The following GALNT2 variants were observed in gnomAD, a reference collection of about 807,000 sequenced individuals.
The protein encoded by GALNT2 is UDP-GalNAc:polypeptide N-acetylgalactosaminyltransferase 2.
A neutral mutation model predicts 81.4 loss-of-function variants in GALNT2; 31 were observed. The observed-to-expected ratio is 0.38, with a 90% CI of 0.29 to 0.51. The LOEUF (loss-of-function observed/expected upper bound fraction) is 0.51, where lower values mean the gene tolerates loss of function less well. Ranked by LOEUF, GALNT2 falls within the 20% of genes least tolerant of loss-of-function variation. GALNT2 has a pLI of 0.87. For synonymous variants in GALNT2, 303 were observed against 287.4 expected, an observed-to-expected ratio of 1.05 and a Z score of -0.55; for missense variants, 629 against 765.7, an observed-to-expected ratio of 0.82 and a Z score of 2.11.
At chr1:230,185,529 C>T (rs910903484) in intron 2 of GALNT2, among the ~76,000 whole-genome samples, 2 of 152,084 alleles carry the variant, frequency 1.3e-5, no homozygotes, top group African/African-American at 4.8e-5. Flanking sequence ...TCAGCTTCCC[C>T]CTCTCCACAT....
intron 1 of GALNT2, among the ~76,000 whole-genome samples, chr1:230,124,974 A>G (rs1011000972): frequency 6.6e-6 from 1 of 152,192 alleles, no homozygotes; most frequent in Non-Finnish European, 1.5e-5. Flanking sequence ...GCTGTTTTCA[A>G]GAGTGTTGTT....
intron 1 of GALNT2, among the ~76,000 whole-genome samples, chr1:230,102,291 G>A (rs1003035571): frequency 3.3e-5 from 5 of 152,162 alleles, no homozygotes; most frequent in East Asian, 3.9e-4. Flanking sequence ...CATGCTGAGC[G>A]CTCAGTAACC....
chr1:230,270,409 A>T (rs1347820276), intron 14 of GALNT2, among the ~76,000 whole-genome samples: 1 of 152,234 alleles, frequency 6.6e-6, no homozygotes, highest in East Asian at 1.9e-4. Flanking sequence ...ACCATGTGCT[A>T]TGATGGGGAT....
intron 1 of GALNT2, among the ~76,000 whole-genome samples, chr1:230,059,481 T>C (rs1658993189): frequency 6.6e-6 from 1 of 152,152 alleles, no homozygotes; most frequent in South Asian, 2.1e-4. Flanking sequence ...TGTGGAGATG[T>C]GTTAGGAAAG....
intron 2 of GALNT2, among the ~76,000 whole-genome samples, chr1:230,179,711 T>C (rs988042829): frequency 2.0e-5 from 3 of 152,200 alleles, no homozygotes; most frequent in Non-Finnish European, 4.4e-5. Context: ...TTATCAGATA[T>C]GGGTTTTGTA....
rs1159018920 is a variant in GALNT2 at position 230,276,009 on chromosome 1, CGT to C, written c.1560+1446_1560+1447del. On this transcript the variant is annotated intron_variant, in intron 15 of 15. Transcript: ENST00000366672. ...TATATATACATGCCACATATATATACGTATATATACATGCCACATATATATAC... is the reference window on the plus strand; with the variant it reads ...TATATATACATGCCACATATATATACATATATACATGCCACATATATATAC... Among the ~76,000 whole-genome samples, 417 of 64,850 alleles carry C rather than the reference CGT, an allele frequency of 6.4e-3. 15 individuals are homozygous for C. Among genetic ancestry groups the C allele is most frequent in the African/African-American group, 0.019 (157 of 8,264 alleles). 42.5% of individuals were successfully genotyped at this position (64,850 alleles called of 152,430 possible).
At chr1:230,071,006 T>A (rs1659353756) in intron 1 of GALNT2, among the ~76,000 whole-genome samples, 1 of 152,138 alleles carries the variant, frequency 6.6e-6, no homozygotes. Flanking sequence ...ATCTTTGCAG[T>A]GGGAGTAATC....
chr1:230,109,164 C>T (rs1239695090), intron 1 of GALNT2, among the ~76,000 whole-genome samples: 4 of 152,258 alleles, frequency 2.6e-5, no homozygotes, highest in Admixed American at 2.0e-4. Context: ...AGGCTCTGCC[C>T]TCTGATGGGG....
chr1:230,111,068 AC>A (rs1406607274), intron 1 of GALNT2, among the ~76,000 whole-genome samples: 1 of 152,212 alleles, frequency 6.6e-6, no homozygotes, highest in African/African-American at 2.4e-5. Flanking sequence ...GTGTGTACAT[AC>A]ATATGTACAC....
intron 1 of GALNT2, among the ~76,000 whole-genome samples, chr1:230,162,638 C>G (rs921320102): frequency 2.6e-5 from 4 of 152,164 alleles, no homozygotes; most frequent in Non-Finnish European, 5.9e-5. Context: ...AAATGCAGCT[C>G]TAACTTTCCC....
At chr1:230,057,964 G>A (rs1348950309), upstream of GALNT2, 3 of 452,418 alleles carry the variant, frequency 6.6e-6, no homozygotes, top group Admixed American at 2.4e-5. Context: ...TCCCCAGGAC[G>A]AAGGGAGGAA....
chr1:230,217,420 A>G (rs1250159132), intron 3 of GALNT2, among the ~76,000 whole-genome samples: 1 of 152,230 alleles, frequency 6.6e-6, no homozygotes, highest in Non-Finnish European at 1.5e-5. Flanking sequence ...AAAGGACAGC[A>G]GGAAGCCAGA....
At chr1:230,110,318 G>T (rs1413519192) in intron 1 of GALNT2, among the ~76,000 whole-genome samples, 1 of 152,170 alleles carries the variant, frequency 6.6e-6, no homozygotes, top group African/African-American at 2.4e-5. Context: ...CTCTGTGCTT[G>T]CTCTGAGGTT....
intron 3 of GALNT2, among the ~76,000 whole-genome samples, chr1:230,209,599 T>C (rs571862348): frequency 6.6e-6 from 1 of 152,302 alleles, no homozygotes; most frequent in African/African-American, 2.4e-5. Context: ...CCCAGCACTT[T>C]GGGAGGCCAA....
At chr1:230,148,243 G>T (rs1454388593) in intron 1 of GALNT2, among the ~76,000 whole-genome samples, 5 of 152,228 alleles carry the variant, frequency 3.3e-5, no homozygotes, top group Admixed American at 6.5e-5. Flanking sequence ...AGCTCGGGGC[G>T]TGCACAGTGC....
Position 230,275,557 on chromosome 1 carries a change from CATAT to C in GALNT2, c.1560+999_1560+1002del, listed in dbSNP as rs1311968014. Reference sequence around the variant, plus strand: ...CATAGATATACATATATAAACGCCACATATATATACATATAAACACACCATATAT... The same window carrying C: ...CATAGATATACATATATAAACGCCACATATACATATAAACACACCATATAT... On this transcript the variant is annotated intron_variant, in intron 15 of 15. Transcript: ENST00000366672. The surrounding 1 kb of genome is among the most constrained non-coding windows in gnomAD (Gnocchi z 5.5). 5.3e-5 allele frequency among the ~76,000 whole-genome samples: 8 copies of C among 150,902 alleles called. No homozygotes were observed. The highest frequency in any genetic ancestry group is 4.4e-5 in the Non-Finnish European group (3 of 67,640).
intron 1 of GALNT2, among the ~76,000 whole-genome samples, chr1:230,093,331 C>G (rs1307738073): frequency 2.6e-5 from 4 of 151,700 alleles, no homozygotes; most frequent in Non-Finnish European, 5.9e-5. Context: ...GGAGAAATAA[C>G]AGAAACCAAA....
At chr1:230,245,548 G>A (rs559096844) in intron 7 of GALNT2, among the ~76,000 whole-genome samples, 1 of 152,086 alleles carries the variant, frequency 6.6e-6, no homozygotes, top group Non-Finnish European at 1.5e-5. Context: ...GGTTGATTTG[G>A]TTAACCTTCT....
In GALNT2 at chr1:230,173,530, G is replaced by A. The variant is rs147805931; in HGVS notation, c.127-4688G>A. Among the ~76,000 whole-genome samples, 10 of 152,270 alleles carry A rather than the reference G, an allele frequency of 6.6e-5. No individual in the cohort carries two copies. The East Asian group carries it at 9.6e-4, about 15-fold the overall frequency. Reference sequence around the variant, plus strand: ...GGTCTGCATCCTGGGAAATCAAAGCGGGCTTACAAGATCACAGGCTTTGAA... The same window carrying A: ...GGTCTGCATCCTGGGAAATCAAAGCAGGCTTACAAGATCACAGGCTTTGAA... On this transcript the variant is annotated intron_variant, in intron 1 of 15. Coordinates refer to ENST00000366672, the MANE Select transcript of GALNT2 (RefSeq NM_004481.5).
Sources: gnomAD v4.1 joint callset for allele counts (sites outside exome capture counted in the v4.1 genomes callset) on GRCh38, gnomAD v4.1.1 for gene constraint, Gnocchi (gnomAD v3.1) non-coding constraint, MANE v1.5 for transcripts, NCBI Gene and HGNC (gene_info 2026-07-23, HGNC 2026-07-21) for gene names.